The following DENND5B variants were observed in gnomAD, a reference collection of about 807,000 sequenced individuals.
DENND5B encodes DENN domain containing 5B, also known as DENN domain-containing protein 5B.
A neutral mutation model predicts 140.6 loss-of-function variants in DENND5B; 34 were observed. The observed-to-expected ratio is 0.24, with a 90% CI of 0.18 to 0.32. The LOEUF is 0.32. DENND5B is among the 10% of genes least tolerant of loss of function. The probability of loss-of-function intolerance (pLI) is 1.00; values close to 1 mark genes in which losing one functional copy is unlikely to be tolerated. For synonymous variants in DENND5B, 551 were observed against 562.1 expected, an observed-to-expected ratio of 0.98 and a Z score of 0.28; for missense variants, 1,142 against 1,560.2, an observed-to-expected ratio of 0.73 and a Z score of 4.52.
intron 1 of DENND5B, among the ~76,000 whole-genome samples, chr12:31,561,416 A>G (rs531741211): frequency 2.6e-5 from 4 of 152,290 alleles, no homozygotes; most frequent in Admixed American, 2.6e-4. Flanking sequence ...CTGAGCCCGG[A>G]AGTTCAAGAA....
chr12:31,495,958 C>T, intron 1 of DENND5B, 39 bp from the exon 2 acceptor site: 1 of 1,397,018 alleles, frequency 7.2e-7, no homozygotes, highest in Non-Finnish European at 9.9e-7. Flanking sequence ...TAGAACTTTT[C>T]CAAAAGCATG....
chr12:31,395,949 A>AG (rs1367777827), intron 17 of DENND5B, among the ~76,000 whole-genome samples: 1 of 150,812 alleles, frequency 6.6e-6, no homozygotes, highest in Non-Finnish European at 1.5e-5. Flanking sequence ...GGCCAAAAAA[A>AG]AAAAAAAAAA....
chr12:31,583,978 A>G (rs1950303876), intron 1 of DENND5B, among the ~76,000 whole-genome samples: 1 of 152,246 alleles, frequency 6.6e-6, no homozygotes, highest in Admixed American at 6.5e-5. Flanking sequence ...AGCATCCTGT[A>G]TAGAACCATC....
At chr12:31,456,151 G>A (rs1565596665) in intron 4 of DENND5B, among the ~76,000 whole-genome samples, 1 of 152,104 alleles carries the variant, frequency 6.6e-6, no homozygotes, top group Non-Finnish European at 1.5e-5. Flanking sequence ...CCAACATGGT[G>A]AAACCCCATC....
Position 31,423,686 on chromosome 12 carries a change from A to AAG in DENND5B, c.2392-13_2392-12dup, listed in dbSNP as rs778861580. 4.3e-6 allele frequency: 7 copies of AAG among 1,610,230 alleles called. No individual in the cohort carries two copies. The highest frequency in any genetic ancestry group is 5.1e-6 in the Non-Finnish European group (6 of 1,177,620). ...CAAAGCCGACTTCCCCTGAAAGTAC[A>AAG]AGATGTGTAAAAATTTCATAAGAAA... On this transcript the variant is annotated splice_polypyrimidine_tract_variant and intron_variant, in intron 10 of 20. Coordinates refer to ENST00000389082, the MANE Select transcript of DENND5B (RefSeq NM_144973.4).
At chr12:31,409,962 T>C (rs1029454185) in intron 13 of DENND5B, among the ~76,000 whole-genome samples, 8 of 152,202 alleles carry the variant, frequency 5.3e-5, no homozygotes, top group Non-Finnish European at 1.2e-4. Context: ...TAAAAATAAA[T>C]AGCTCCTCTT....
chr12:31,408,207 G>A (rs1289584337), intron 14 of DENND5B, among the ~76,000 whole-genome samples: 1 of 152,062 alleles, frequency 6.6e-6, no homozygotes, highest in Non-Finnish European at 1.5e-5. Flanking sequence ...GCTAAGGCAG[G>A]AGAATCGCTT....
rs1176108312 is a variant in DENND5B at position 31,447,625 on chromosome 12, G to A, written c.1774C>T (p.Arg592Trp). ...KDPLLRVFDT[R>W]IDKIRLYNVR... ...TTATACAGCCTTATCTTATCAATCC[G>A]AGTGTCAAAGACCCGAAGCAAAGGA... Residue 592 changes from arginine (R) to tryptophan (W), a missense_variant, in exon 6 of 21, where the codon CGG becomes TGG. By Grantham distance (101) the Arg-to-Trp change is moderately radical. This residue lies in a region of DENND5B where 708 missense variants were observed against 905.5 expected (regional missense o/e 0.78). Transcript: ENST00000389082. The A allele has an allele frequency of 4.3e-6, 7 of 1,613,662 alleles. No homozygotes were observed. The highest frequency in any genetic ancestry group is 4.5e-5 in the East Asian group (2 of 44,878).
intron 1 of DENND5B, among the ~76,000 whole-genome samples, chr12:31,540,522 C>T (rs11051454): frequency 0.41 from 61,392 of 151,542 alleles, 12,934 homozygotes; most frequent in East Asian, 0.57. Context: ...GGTGAGGTGG[C>T]GACTACCTGT....
Position 31,387,346 on chromosome 12 carries a change from T to C in DENND5B, c.*257A>G, listed in dbSNP as rs149537071. On this transcript the variant is annotated 3_prime_UTR_variant, in exon 21 of 21. Coordinates refer to ENST00000389082, the MANE Select transcript of DENND5B (RefSeq NM_144973.4). Reference sequence around the variant, plus strand: ...ATTCAATCTAAGAAAAGCATCTTATTAGAGTAATATAATTTCTTAAAGAAG... The same window carrying C: ...ATTCAATCTAAGAAAAGCATCTTATCAGAGTAATATAATTTCTTAAAGAAG... The C allele has an allele frequency of 3.4e-3, 1,114 of 330,406 alleles. 10 individuals carry two copies. The highest frequency in any genetic ancestry group is 0.022 in the African/African-American group (1,028 of 47,616). The allele number at this position is 330,406 out of a possible 1,614,324, so 20.5% of individuals were successfully genotyped here. A position where few individuals can be genotyped will look rare whatever the true frequency, so the allele number is the denominator to read the frequency against.
At chr12:31,530,004 AAACTG>A (rs1355696744) in intron 1 of DENND5B, among the ~76,000 whole-genome samples, 1 of 152,218 alleles carries the variant, frequency 6.6e-6, no homozygotes, top group Non-Finnish European at 1.5e-5. Context: ...AATTTTAATG[AAACTG>A]AATACAACTG....
intron 1 of DENND5B, among the ~76,000 whole-genome samples, chr12:31,544,575 A>G (rs915774739): frequency 2.0e-5 from 3 of 152,312 alleles, no homozygotes; most frequent in Admixed American, 2.0e-4. Context: ...GTGAACCACC[A>G]TGCCCAGCCA....
chr12:31,486,728 T>C (rs1277682425), intron 2 of DENND5B, among the ~76,000 whole-genome samples: 1 of 152,232 alleles, frequency 6.6e-6, no homozygotes, highest in Non-Finnish European at 1.5e-5. Context: ...ATCAAAATAC[T>C]TCCTTACTTC....
intron 4 of DENND5B, among the ~76,000 whole-genome samples, chr12:31,454,455 T>C (rs1472048430): frequency 6.6e-6 from 1 of 152,096 alleles, no homozygotes; most frequent in Non-Finnish European, 1.5e-5. Flanking sequence ...TTTTCTTTTC[T>C]TTTTTTGAGA....
intron 1 of DENND5B, among the ~76,000 whole-genome samples, chr12:31,509,420 T>C (rs1324124274): frequency 6.6e-6 from 1 of 152,172 alleles, no homozygotes; most frequent in African/African-American, 2.4e-5. Context: ...CATAGTTTTG[T>C]ATGCCTACAG....
Position 31,387,804 on chromosome 12 carries a change from A to G in DENND5B, c.3642-18T>C. On this transcript the variant is annotated intron_variant, in intron 20 of 20. Coordinates refer to ENST00000389082, the MANE Select transcript of DENND5B (RefSeq NM_144973.4). ...GGCGATCCCTACAGACCCAAACAGA[A>G]ACAATTCCTGAGCATTGCTGGCCTC... The G allele has an allele frequency of 6.8e-6, 11 of 1,607,406 alleles. No individual in the cohort carries two copies. The highest frequency in any genetic ancestry group is 9.4e-6 in the Non-Finnish European group (11 of 1,176,092).
chr12:31,482,950 C>G (rs1378094923), intron 2 of DENND5B, among the ~76,000 whole-genome samples: 2 of 152,230 alleles, frequency 1.3e-5, no homozygotes, highest in African/African-American at 4.8e-5. Context: ...CTGCATGACT[C>G]AGCCCCCAAC....
chr12:31,494,342 G>C (rs1369766428), intron 2 of DENND5B, among the ~76,000 whole-genome samples: 3 of 152,016 alleles, frequency 2.0e-5, no homozygotes, highest in Non-Finnish European at 4.4e-5. Context: ...CTCCTGAGTA[G>C]CTGGGCTTAT....
intron 4 of DENND5B, among the ~76,000 whole-genome samples, chr12:31,457,760 CTG>C (rs1270207374): frequency 6.6e-6 from 1 of 151,588 alleles, no homozygotes; most frequent in African/African-American, 2.4e-5. Context: ...GTCGCCCAGG[CTG>C]GAGTGCAGTG....
Sources: allele counts gnomAD v4.1 joint callset (sites outside exome capture counted in the v4.1 genomes callset), GRCh38; gene constraint gnomAD v4.1.1; regional missense constraint gnomAD v4.1.1; transcripts MANE v1.5; gene names NCBI Gene and HGNC (gene_info 2026-07-23, HGNC 2026-07-21).